The following TSGA10 variants were observed in gnomAD, a reference collection of about 807,000 sequenced individuals.
TSGA10 encodes the protein testis specific 10.
In TSGA10, 43 loss-of-function variants were observed where a neutral mutation model predicts 96.6. The observed-to-expected ratio is 0.44, with a 90% CI of 0.35 to 0.57. The LOEUF (loss-of-function observed/expected upper bound fraction) is 0.57. Among genes scored for constraint, TSGA10 ranks in the 20% least tolerant of loss-of-function variants. The pLI is 0.01. For missense variants in TSGA10, 703 were observed against 834.4 expected, an observed-to-expected ratio of 0.84 and a Z score of 1.94; for synonymous variants, 229 against 269.9, an observed-to-expected ratio of 0.85 and a Z score of 1.48.
rs768618061 is a variant in TSGA10 at position 99,071,789 on chromosome 2, G to T, written c.1024C>A (p.Gln342Lys). The T allele has an allele frequency of 1.9e-6, 3 of 1,613,916 alleles. No individual in the cohort carries two copies. The South Asian group carries it at 3.3e-5, about 18-fold the overall frequency. ...QLDETNDELA[Q>K]IARERDILAH... ...AAGATATCTCTTTCCCTGGCGATCT[G>T]GGCCAGCTCATCATTTGTCTCATCC... is the stretch of plus-strand genomic sequence containing the variant. Residue 342 changes from glutamine to lysine, a missense_variant, in exon 14 of 21, where the codon CAG (glutamine) becomes AAG (lysine). Gln to Lys is a moderately conservative substitution (Grantham distance 53). Coordinates refer to ENST00000393483, the MANE Select transcript of TSGA10 (RefSeq NM_025244.4).
chr2:99,059,874 A>G (rs2084477642), intron 16 of TSGA10, among the ~76,000 whole-genome samples: 4 of 148,572 alleles, frequency 2.7e-5, no homozygotes, highest in South Asian at 2.2e-4. Context: ...AGACTGCGCC[A>G]CTGCACTCCA....
intron 20 of TSGA10, among the ~76,000 whole-genome samples, chr2:99,014,503 A>C (rs2079315520): frequency 6.6e-6 from 1 of 152,214 alleles, no homozygotes; most frequent in African/African-American, 2.4e-5. Flanking sequence ...GTACTAAGAG[A>C]AAAGTTCATA....
chr2:99,071,576 T>C, intron 14 of TSGA10, 130 bp downstream of exon 14: 3 of 779,576 alleles, frequency 3.8e-6, no homozygotes, highest in Non-Finnish European at 4.0e-6. Flanking sequence ...GCCTATTTTG[T>C]TATTTTTTAA....
intron 16 of TSGA10, among the ~76,000 whole-genome samples, chr2:99,057,426 A>G (rs2084134264): frequency 1.3e-5 from 2 of 152,174 alleles, no homozygotes; most frequent in Admixed American, 1.3e-4. Context: ...AGATCGATAT[A>G]CAAAAATCAT....
At chr2:99,114,896 C>G (rs572166921) in intron 4 of TSGA10, among the ~76,000 whole-genome samples, 1 of 152,092 alleles carries the variant, frequency 6.6e-6, no homozygotes, top group African/African-American at 2.4e-5. Flanking sequence ...AATTTGAAAA[C>G]AAAAACAAGG....
intron 16 of TSGA10, among the ~76,000 whole-genome samples, chr2:99,043,766 C>CA (rs745763806): frequency 9.0e-4 from 137 of 152,150 alleles, no homozygotes; most frequent in Middle Eastern, 6.8e-3. Context: ...CCCAAAATAC[C>CA]AAGAATTCTT....
At chr2:99,039,257 G>A (rs1200491095) in intron 16 of TSGA10, among the ~76,000 whole-genome samples, 18 of 148,478 alleles carry the variant, frequency 1.2e-4, no homozygotes, top group Non-Finnish European at 1.8e-4. Context: ...CTCAAACCCC[G>A]CAGAAGAAAA....
rs952851853 is a variant in TSGA10, at chr2:99,127,261, G to A, written c.-620-85C>T. 4 of 1,037,564 alleles carry A rather than the reference G, an allele frequency of 3.9e-6. No individual in the cohort carries two copies. In the South Asian group the frequency reaches 7.7e-5, roughly 20 times the overall value. The allele number at this position is 1,037,564 out of a possible 1,614,324, so 64.3% of individuals were successfully genotyped here. ...CTTACATCAATACATTTTGAAAATT[G>A]ATAATATTCTTAGATTTTTTTTAAC... is the stretch of plus-strand genomic sequence containing the variant. On this transcript the variant is annotated intron_variant, in intron 1 of 20. Transcript: ENST00000393483.
intron 16 of TSGA10, among the ~76,000 whole-genome samples, chr2:99,053,856 T>C (rs1300442571): frequency 6.6e-6 from 1 of 152,028 alleles, no homozygotes; most frequent in Non-Finnish European, 1.5e-5. Flanking sequence ...CCGAAAACTA[T>C]AAAACACTGA....
rs2091633861 is a variant in TSGA10 at position 99,109,532 on chromosome 2, G to T, written c.-73-20C>A. The T allele has an allele frequency of 3.3e-6, 5 of 1,504,674 alleles. No individual in the cohort carries two copies. In the Middle Eastern group the frequency reaches 5.3e-4, roughly 160 times the overall value. The allele number at this position is 1,504,674 out of a possible 1,614,324, so 93.2% of individuals were successfully genotyped here. A position where few individuals can be genotyped will look rare whatever the true frequency, so the allele number is the denominator to read the frequency against. On this transcript the variant is annotated intron_variant, in intron 5 of 20. Coordinates refer to ENST00000393483, the MANE Select transcript of TSGA10 (RefSeq NM_025244.4). ...TCAAGTCTAGAAGGAGATTTATTTT[G>T]TGCTTTTTCAGTATCTAAAATTATC...
intron 16 of TSGA10, among the ~76,000 whole-genome samples, chr2:99,061,979 GGA>G (rs1169068807): frequency 1.1e-4 from 17 of 152,194 alleles, no homozygotes; most frequent in Non-Finnish European, 1.5e-5. Flanking sequence ...TGCAGACCAA[GGA>G]GAGAAGCCCC....
rs1339322339 is a variant in TSGA10 at position 99,107,933 on chromosome 2, C to T, written c.210+900G>A. On this transcript the variant is annotated intron_variant, in intron 7 of 20. Transcript: ENST00000393483. ...TCTCCACTGACACATACCCTCTATT[C>T]TAGTCTTAAACCAATTTATTTATCT... is the stretch of plus-strand genomic sequence containing the variant. 2.0e-5 allele frequency among the ~76,000 whole-genome samples: 3 copies of T among 152,094 alleles called. No individual in the cohort carries two copies. The East Asian group carries it at 5.8e-4, about 29-fold the overall frequency.
At chr2:99,052,514 G>A (rs938162274) in intron 16 of TSGA10, among the ~76,000 whole-genome samples, 9 of 151,926 alleles carry the variant, frequency 5.9e-5, no homozygotes, top group Non-Finnish European at 1.2e-4. Context: ...CTAGGAGGGC[G>A]GATCACGAGG....
At chr2:99,035,103 A>G in intron 17 of TSGA10, 127 bp downstream of exon 17, 3 of 692,290 alleles carry the variant, frequency 4.3e-6, no homozygotes, top group Non-Finnish European at 6.9e-6. Flanking sequence ...CTTGGATTTT[A>G]AAAATAAAAT....
At chr2:99,074,900 G>C (rs773161511) in intron 12 of TSGA10, among the ~76,000 whole-genome samples, 5 of 151,872 alleles carry the variant, frequency 3.3e-5, no homozygotes, top group Non-Finnish European at 7.4e-5. Context: ...GAGGGTTGCA[G>C]TGGGCTGAGA....
chr2:99,023,438 A>AT (rs920170375), intron 17 of TSGA10, among the ~76,000 whole-genome samples: 3 of 151,186 alleles, frequency 2.0e-5, no homozygotes, highest in South Asian at 2.1e-4. Context: ...TACTTAATCT[A>AT]TTTTTTTTGT....
chr2:99,002,297 C>T (rs1157184957), intron 20 of TSGA10, among the ~76,000 whole-genome samples: 1 of 152,230 alleles, frequency 6.6e-6, no homozygotes, highest in Admixed American at 6.5e-5. Flanking sequence ...TTGGCAGAAA[C>T]TCCACAAGCC....
intron 12 of TSGA10, among the ~76,000 whole-genome samples, chr2:99,077,025 C>T (rs943038067): frequency 3.4e-5 from 5 of 148,934 alleles, no homozygotes; most frequent in African/African-American, 9.8e-5. Context: ...TCCAACAACA[C>T]ATTGTGCATA....
In TSGA10 at chr2:99,105,706, T is replaced by G; in HGVS notation, c.211-9A>C. 6.3e-7 allele frequency: 1 copy of G among 1,583,106 alleles called. No homozygotes were observed. Among genetic ancestry groups the G allele is most frequent in the South Asian group, 1.1e-5 (1 of 88,592 alleles). On this transcript the variant is annotated splice_polypyrimidine_tract_variant and intron_variant, in intron 7 of 20. Transcript: ENST00000393483. Reference sequence around the variant, plus strand: ...GTAATTTCTTCCTGTGCCTATTATTTAAATCATAGACTTTGGTTGAACAAG... The same window carrying G: ...GTAATTTCTTCCTGTGCCTATTATTGAAATCATAGACTTTGGTTGAACAAG...
Sources: allele counts gnomAD v4.1 joint callset (sites outside exome capture counted in the v4.1 genomes callset), GRCh38; gene constraint gnomAD v4.1.1; transcripts MANE v1.5; gene names NCBI Gene and HGNC (gene_info 2026-07-23, HGNC 2026-07-21).